Variants in CATSPERE observed in about 807,000 individuals in gnomAD.
CATSPERE encodes the protein catsper channel auxiliary subunit epsilon.
Under a neutral mutation model 114.1 loss-of-function variants are expected in CATSPERE, and 93 were observed. That is an observed-to-expected ratio of 0.81 (90% CI 0.69 to 0.97). The LOEUF (loss-of-function observed/expected upper bound fraction) is 0.97, where lower values mean the gene tolerates loss of function less well. Ranked by LOEUF, CATSPERE falls within the 50% of genes least tolerant of loss-of-function variation. The probability of loss-of-function intolerance (pLI) is 0.00; values close to 1 mark genes in which losing one functional copy is unlikely to be tolerated. For missense variants in CATSPERE, 1,058 were observed against 1,131.6 expected (o/e 0.93, Z 0.93); for synonymous variants, 341 against 384.1 (o/e 0.89, Z 1.31).
Position 244,477,569 on chromosome 1 carries a change from T to A in CATSPERE, c.143T>A (p.Phe48Tyr), listed in dbSNP as rs1191601876. The A allele has an allele frequency of 3.1e-6, 5 of 1,601,250 alleles. No individual in the cohort carries two copies. Among genetic ancestry groups the A allele is most frequent in the South Asian group, 1.1e-5 (1 of 90,076 alleles). ...AAGTTAGAGTATGAAGGAACATTAT[T>A]TACTGAGTGGAGTGTGCCAGAAACT... is the stretch of plus-strand genomic sequence containing the variant. ...TIKLEYEGTL[F>Y]TEWSVPETCF... Residue 48 changes from phenylalanine (F) to tyrosine (Y), a missense_variant, in exon 3 of 22, where the codon TTT becomes TAT. Physicochemically the swap from Phe to Tyr is conservative, Grantham distance 22. Around this residue, in one of 2 missense-constraint regions of CATSPERE, gnomAD observed 271 missense variants for 225.9 expected, o/e 1.20. Coordinates refer to ENST00000366534, the MANE Select transcript of CATSPERE (RefSeq NM_001130957.2).
chr1:244,562,711 G>T (rs1257136728), intron 10 of CATSPERE, among the ~76,000 whole-genome samples: 1 of 151,418 alleles, frequency 6.6e-6, no homozygotes, highest in African/African-American at 2.4e-5. Context: ...TTTTTTTCTT[G>T]TCATTTCCTT....
chr1:244,462,453 T>C (rs1666969511), intron 1 of CATSPERE, among the ~76,000 whole-genome samples: 1 of 152,146 alleles, frequency 6.6e-6, no homozygotes, highest in African/African-American at 2.4e-5. Flanking sequence ...GAGAAGCTGT[T>C]GAGGGAGCAG....
chr1:244,637,091 G>T (rs1674722364), intron 21 of CATSPERE, among the ~76,000 whole-genome samples: 2 of 152,072 alleles, frequency 1.3e-5, no homozygotes, highest in Non-Finnish European at 2.9e-5. Context: ...GGCCTCTCGA[G>T]TGGTGCTCTT....
intron 8 of CATSPERE, among the ~76,000 whole-genome samples, chr1:244,533,645 C>A (rs3005960): frequency 0.13 from 19,603 of 152,058 alleles, 2,207 homozygotes; most frequent in African/African-American, 0.3. Flanking sequence ...AACTAATAAG[C>A]ATTCTACACT....
intron 8 of CATSPERE, among the ~76,000 whole-genome samples, chr1:244,542,251 G>A (rs1287283304): frequency 6.6e-6 from 1 of 151,804 alleles, no homozygotes; most frequent in Non-Finnish European, 1.5e-5. Context: ...TCAGCATTTA[G>A]CTGCATAGGG....
At chr1:244,452,787 C>G (rs1364600978), upstream of CATSPERE, among the ~76,000 whole-genome samples, 1 of 152,124 alleles carries the variant, frequency 6.6e-6, no homozygotes, top group Admixed American at 6.5e-5. Flanking sequence ...AAGTCCAGAG[C>G]CCATGTCCTT....
At position 244,526,399 on chromosome 1, in the gene CATSPERE, C is replaced by G. The variant is rs1274781008; in HGVS notation, c.536+7701C>G. ...ACTTCAACCTGGGTGACAATGAGAC[C>G]CTGTATCAAAAAGAAAAAAAAAAAA... On this transcript the variant is annotated intron_variant, in intron 8 of 21. Transcript: ENST00000366534. Among the ~76,000 whole-genome samples, 9 of 151,050 alleles carry G rather than the reference C, an allele frequency of 6.0e-5. No homozygotes were observed. The South Asian group carries it at 8.4e-4, about 14-fold the overall frequency.
intron 21 of CATSPERE, among the ~76,000 whole-genome samples, chr1:244,639,115 C>G (rs1014724347): frequency 5.3e-5 from 8 of 152,212 alleles, no homozygotes; most frequent in African/African-American, 1.9e-4. Flanking sequence ...TCTCCAACCA[C>G]TCCCCTTGGC....
At chr1:244,559,537 T>C (rs1662219952) in intron 9 of CATSPERE, among the ~76,000 whole-genome samples, 1 of 152,158 alleles carries the variant, frequency 6.6e-6, no homozygotes, top group Non-Finnish European at 1.5e-5. Flanking sequence ...AGGGAGGCCT[T>C]GGACTCCTTG....
intron 19 of CATSPERE, among the ~76,000 whole-genome samples, chr1:244,612,657 AGATT>A (rs1179273815): frequency 2.6e-5 from 4 of 152,004 alleles, no homozygotes; most frequent in African/African-American, 4.8e-5. Context: ...AGGCTAGGGG[AGATT>A]GATTGATTGA....
chr1:244,501,321 T>C (rs1423762148), intron 7 of CATSPERE, among the ~76,000 whole-genome samples: 4 of 152,324 alleles, frequency 2.6e-5, no homozygotes, highest in Admixed American at 6.5e-5. Flanking sequence ...TTTCTAAAGG[T>C]CCAACACAGT....
chr1:244,528,275 A>G (rs1193684106), intron 8 of CATSPERE, among the ~76,000 whole-genome samples: 3 of 152,202 alleles, frequency 2.0e-5, no homozygotes, highest in Non-Finnish European at 4.4e-5. Flanking sequence ...AGCTCCATCC[A>G]TACCCCTGGT....
At chr1:244,523,723 A>T (rs2148385208) in intron 8 of CATSPERE, among the ~76,000 whole-genome samples, 1 of 136,924 alleles carries the variant, frequency 7.3e-6, no homozygotes, top group East Asian at 2.0e-4. Context: ...ATCATGAGTG[A>T]ACTCCCATTC....
chr1:244,543,393 A>C (rs547911564), intron 8 of CATSPERE, among the ~76,000 whole-genome samples: 1 of 152,220 alleles, frequency 6.6e-6, no homozygotes, highest in African/African-American at 2.4e-5. Flanking sequence ...ATAGAAGGAC[A>C]GATACTGTAT....
At chr1:244,485,955 A>G (rs1670942948) in intron 5 of CATSPERE, among the ~76,000 whole-genome samples, 1 of 151,844 alleles carries the variant, frequency 6.6e-6, no homozygotes, top group East Asian at 1.9e-4. Flanking sequence ...CTTGGCCTCC[A>G]AAAGCACTGG....
At chr1:244,524,283 A>G (rs1365355188) in intron 8 of CATSPERE, among the ~76,000 whole-genome samples, 2 of 150,286 alleles carry the variant, frequency 1.3e-5, no homozygotes, top group Non-Finnish European at 2.9e-5. Context: ...CTGGCTAGCC[A>G]TATGTAGAAA....
intron 1 of CATSPERE, among the ~76,000 whole-genome samples, chr1:244,455,343 G>C (rs904235519): frequency 6.6e-6 from 1 of 150,846 alleles, no homozygotes; most frequent in African/African-American, 2.4e-5. Flanking sequence ...ACATCTTGTA[G>C]AAAAAAAAAC....
At chr1:244,459,385 GCTTTTAAAAAGT>G (rs1666448583), upstream of CATSPERE, among the ~76,000 whole-genome samples, 1 of 152,122 alleles carries the variant, frequency 6.6e-6, no homozygotes, top group South Asian at 2.1e-4. Context: ...CCTGGGCTTG[GCTTTTAAAAAGT>G]CTTAGCTGAG....
chr1:244,595,430 T>TG (rs1399262088), intron 17 of CATSPERE, among the ~76,000 whole-genome samples: 1 of 151,840 alleles, frequency 6.6e-6, no homozygotes, highest in African/African-American at 2.4e-5. Context: ...AGGAGAGAAG[T>TG]GGGGAGAGTA....
Sources: allele counts gnomAD v4.1 joint callset (sites outside exome capture counted in the v4.1 genomes callset), GRCh38; gene constraint gnomAD v4.1.1; regional missense constraint gnomAD v4.1.1; transcripts MANE v1.5; gene names NCBI Gene and HGNC (gene_info 2026-07-23, HGNC 2026-07-21).